The following DLG2 variants were observed in gnomAD, a reference collection of about 807,000 sequenced individuals.
DLG2 encodes the protein disks large homolog 2.
DLG2 carries 45 observed loss-of-function variants against 132.5 expected under a neutral mutation model. The ratio of observed to expected loss-of-function variants is 0.34; its 90% CI spans 0.27 to 0.44. DLG2 has a LOEUF of 0.44. Among genes scored for constraint, DLG2 ranks in the 20% least tolerant of loss-of-function variants. The pLI is 1.00. For missense variants in DLG2, 1,045 were observed against 1,196.9 expected, an observed-to-expected ratio of 0.87 and a Z score of 1.87; for synonymous variants, 424 against 419.6, an observed-to-expected ratio of 1.01 and a Z score of -0.13.
chr11:85,549,410 G>A (rs2076531016), intron 3 of DLG2, among the ~76,000 whole-genome samples: 1 of 152,102 alleles, frequency 6.6e-6, no homozygotes, highest in African/African-American at 2.4e-5. Context: ...CTGCAGACCG[G>A]AGCTGTTCCT....
At position 85,216,684 on chromosome 11, in the gene DLG2, C is replaced by T. The variant is rs185005048; in HGVS notation, c.187-62033G>A. The stretch of plus-strand genomic sequence containing the variant: ...GTCGGTCACCTAGTTGAGAAGCACC[C>T]TTATGGTTAAAATACCTTTTTTTTT... On this transcript the variant is annotated intron_variant, in intron 4 of 27. Transcript: ENST00000376104. Among the ~76,000 whole-genome samples the T allele has an allele frequency of 5.3e-5, 8 of 152,072 alleles. No homozygotes were observed. The East Asian group carries it at 1.5e-3, about 29-fold the overall frequency.
intron 9 of DLG2, among the ~76,000 whole-genome samples, chr11:84,115,214 C>T (rs1566566252): frequency 6.6e-6 from 1 of 152,182 alleles, no homozygotes; most frequent in Non-Finnish European, 1.5e-5. Flanking sequence ...ATCCAAACTC[C>T]CCTCAGCCCA....
chr11:85,099,078 A>G lies in DLG2; in HGVS notation c.357+12583T>C, dbSNP rs550352009. 1.6e-4 allele frequency among the ~76,000 whole-genome samples: 25 copies of G among 152,328 alleles called. 1 individual carries two copies. The highest frequency in any genetic ancestry group is 5.8e-4 in the African/African-American group (24 of 41,562). ...GAGGAGCTACAGCAACTAATGTTCCATTCTTGTGTCAAGTGCTGTTAAAAG... is the reference window on the plus strand; with the variant it reads ...GAGGAGCTACAGCAACTAATGTTCCGTTCTTGTGTCAAGTGCTGTTAAAAG... On this transcript the variant is annotated intron_variant, in intron 6 of 27. Coordinates refer to ENST00000376104, the MANE Select transcript of DLG2 (RefSeq NM_001142699.3).
chr11:85,478,444 T>G (rs949527338), intron 3 of DLG2, among the ~76,000 whole-genome samples: 1 of 152,086 alleles, frequency 6.6e-6, no homozygotes, highest in Admixed American at 6.6e-5. Flanking sequence ...ACAGTATATT[T>G]ATTCATAAAA....
chr11:84,018,431 C>A (rs1171282175), intron 11 of DLG2, among the ~76,000 whole-genome samples: 4 of 151,854 alleles, frequency 2.6e-5, no homozygotes, highest in Non-Finnish European at 5.9e-5. Flanking sequence ...AGCTCTACAA[C>A]TATAATAAAT....
intron 6 of DLG2, among the ~76,000 whole-genome samples, chr11:84,892,738 T>C (rs1213259038): frequency 2.0e-5 from 3 of 152,078 alleles, no homozygotes; most frequent in Non-Finnish European, 2.9e-5. Context: ...TTCTGTGATA[T>C]CCGTTTTCTG....
intron 8 of DLG2, among the ~76,000 whole-genome samples, chr11:84,166,556 C>T (rs1362406722): frequency 6.8e-6 from 1 of 148,020 alleles, no homozygotes; most frequent in Non-Finnish European, 1.5e-5. Context: ...AAAACAATAC[C>T]TCGATCTTAA....
intron 12 of DLG2, among the ~76,000 whole-genome samples, chr11:83,979,935 A>C (rs1194044297): frequency 6.6e-6 from 1 of 152,210 alleles, no homozygotes; most frequent in Admixed American, 6.5e-5. Flanking sequence ...ATCTAAGAAA[A>C]TTAATGAAAA....
At chr11:85,479,359 C>G (rs1565554913) in intron 3 of DLG2, among the ~76,000 whole-genome samples, 1 of 152,316 alleles carries the variant, frequency 6.6e-6, no homozygotes, top group East Asian at 1.9e-4. Context: ...ATGGAGCTCT[C>G]TAGGACCTCT....
chr11:83,730,146 G>GCTTTTTTTTTTTTTTTTT (rs775673275), intron 18 of DLG2, among the ~76,000 whole-genome samples: 1 of 111,004 alleles, frequency 9.0e-6, no homozygotes, highest in African/African-American at 3.5e-5. Context: ...TTTTTTTATG[G>GCTTTTTTTTTTTTTTTTT]TTTTTTTTTT....
At chr11:84,226,770 T>C (rs1009948158) in intron 8 of DLG2, among the ~76,000 whole-genome samples, 1 of 152,062 alleles carries the variant, frequency 6.6e-6, no homozygotes, top group Non-Finnish European at 1.5e-5. Flanking sequence ...TAAACAAATA[T>C]GATGTGATGT....
intron 7 of DLG2, among the ~76,000 whole-genome samples, chr11:84,280,089 A>G (rs1278380885): frequency 1.3e-5 from 2 of 152,198 alleles, no homozygotes; most frequent in Non-Finnish European, 2.9e-5. Context: ...AGATGCTTTT[A>G]TTACACATGA....
At chr11:84,250,726 T>G (rs1318706627) in intron 8 of DLG2, among the ~76,000 whole-genome samples, 1 of 152,214 alleles carries the variant, frequency 6.6e-6, no homozygotes, top group Non-Finnish European at 1.5e-5. Context: ...ATTGGTTTGC[T>G]TGATCCTATT....
intron 6 of DLG2, among the ~76,000 whole-genome samples, chr11:84,685,646 CAT>C (rs1418859883): frequency 2.0e-5 from 3 of 152,278 alleles, no homozygotes; most frequent in Non-Finnish European, 2.9e-5. Context: ...ACATCAGAAA[CAT>C]AGCAGAATTT....
intron 3 of DLG2, among the ~76,000 whole-genome samples, chr11:85,421,201 T>C (rs1565466694): frequency 6.6e-6 from 1 of 152,026 alleles, no homozygotes; most frequent in Non-Finnish European, 1.5e-5. Flanking sequence ...TCCTCACAGC[T>C]TCCCTTGGCA....
At chr11:84,621,385 T>C (rs2099613666) in intron 6 of DLG2, among the ~76,000 whole-genome samples, 1 of 152,070 alleles carries the variant, frequency 6.6e-6, no homozygotes, top group Non-Finnish European at 1.5e-5. Context: ...GATTATGGTG[T>C]TTTTAAAAAG....
chr11:84,884,272 G>T (rs1465161958), intron 6 of DLG2, among the ~76,000 whole-genome samples: 1 of 151,932 alleles, frequency 6.6e-6, no homozygotes. Context: ...TTGAAGATAG[G>T]CTCACTTTAT....
chr11:83,769,560 C>CTTT (rs143446772), intron 18 of DLG2, among the ~76,000 whole-genome samples: 7 of 124,026 alleles, frequency 5.6e-5, no homozygotes, highest in East Asian at 2.3e-4. Flanking sequence ...ACTCTAGCTT[C>CTTT]TTTTTTTTTT....
chr11:83,690,340 C>A (rs1227364560), intron 18 of DLG2, among the ~76,000 whole-genome samples: 2 of 151,390 alleles, frequency 1.3e-5, no homozygotes, highest in African/African-American at 4.8e-5. Context: ...ATAGAAAAAA[C>A]CCAAAAACTC....
Sources: allele counts gnomAD v4.1 joint callset (sites outside exome capture counted in the v4.1 genomes callset), GRCh38; gene constraint gnomAD v4.1.1; transcripts MANE v1.5; gene names NCBI Gene and HGNC (gene_info 2026-07-23, HGNC 2026-07-21).